Variants in PRKN observed in about 807,000 individuals in gnomAD.
PRKN encodes the protein parkin RBR E3 ubiquitin protein ligase.
A neutral mutation model predicts 59.5 loss-of-function variants in PRKN; 56 were observed. The observed-to-expected ratio is 0.94, with a 90% CI of 0.76 to 1.18. The LOEUF (loss-of-function observed/expected upper bound fraction) is 1.18, where lower values mean the gene tolerates loss of function less well. Ranked by LOEUF, PRKN falls within the 50% of genes most tolerant of loss-of-function variation. The probability of loss-of-function intolerance (pLI) is 0.00; values close to 1 mark genes in which losing one functional copy is unlikely to be tolerated. For synonymous variants in PRKN, 250 were observed against 222.1 expected (o/e 1.13, Z -1.12); for missense variants, 657 against 596.4 (o/e 1.10, Z -1.06).
intron 2 of PRKN, among the ~76,000 whole-genome samples, chr6:162,376,752 G>A (rs1198072279): frequency 4.7e-5 from 6 of 127,472 alleles, no homozygotes; most frequent in African/African-American, 1.5e-4. Flanking sequence ...AGAGGGAGAC[G>A]GAGAGTGAGA....
chr6:161,969,358 T>C (rs1350977156), intron 6 of PRKN, among the ~76,000 whole-genome samples: 1 of 147,862 alleles, frequency 6.8e-6, no homozygotes, highest in Non-Finnish European at 1.5e-5. Context: ...CCCAAGGGGG[T>C]ACCCGGAGAA....
At chr6:162,255,625 G>A (rs76646204) in intron 3 of PRKN, among the ~76,000 whole-genome samples, 2 of 152,258 alleles carry the variant, frequency 1.3e-5, no homozygotes, top group East Asian at 3.9e-4. Flanking sequence ...TAAATTCTCC[G>A]AGTCCTAGAG....
intron 9 of PRKN, among the ~76,000 whole-genome samples, chr6:161,496,053 C>G (rs1777737413): frequency 6.6e-6 from 1 of 152,188 alleles, no homozygotes; most frequent in Non-Finnish European, 1.5e-5. Flanking sequence ...CAGTGCTTAG[C>G]ACATAGAAGT....
At chr6:162,533,527 C>CA (rs917986419) in intron 1 of PRKN, among the ~76,000 whole-genome samples, 2 of 151,638 alleles carry the variant, frequency 1.3e-5, no homozygotes, top group Non-Finnish European at 2.9e-5. Flanking sequence ...GACTCCGTCT[C>CA]AAAAAAAGAC....
At chr6:161,933,896 C>T (rs111946083) in intron 6 of PRKN, among the ~76,000 whole-genome samples, 1,903 of 152,320 alleles carry the variant, frequency 0.012, 45 homozygotes, top group African/African-American at 0.042. Flanking sequence ...AGTCTTTGGA[C>T]CACACTTTGT....
intron 1 of PRKN, among the ~76,000 whole-genome samples, chr6:162,525,978 C>T (rs1778263417): frequency 6.6e-6 from 1 of 152,048 alleles, no homozygotes; most frequent in Admixed American, 6.6e-5. Context: ...CTCTCAGCTT[C>T]AGACTACAGG....
chr6:161,591,472 A>T (rs1781723236), intron 7 of PRKN, among the ~76,000 whole-genome samples: 1 of 152,152 alleles, frequency 6.6e-6, no homozygotes, highest in Non-Finnish European at 1.5e-5. Context: ...CCCCGGCTAG[A>T]GTTTTCTGAA....
At chr6:161,686,092 AAG>A (rs1394940792) in intron 7 of PRKN, among the ~76,000 whole-genome samples, 1 of 142,564 alleles carries the variant, frequency 7.0e-6, no homozygotes, top group Non-Finnish European at 1.5e-5. Context: ...AAAAAAAAAA[AAG>A]AGTGGGTAAA....
At chr6:161,881,192 C>T (rs1171949427) in intron 6 of PRKN, among the ~76,000 whole-genome samples, 1 of 152,150 alleles carries the variant, frequency 6.6e-6, no homozygotes, top group African/African-American at 2.4e-5. Context: ...GTTGGAGGGA[C>T]ACATGTCATC....
intron 2 of PRKN, among the ~76,000 whole-genome samples, chr6:162,380,458 CACATATATATGTGTGTAT>C (rs1786392846): frequency 1.3e-5 from 1 of 79,466 alleles, no homozygotes; most frequent in African/African-American, 7.8e-5. Flanking sequence ...TATATATACA[CACATATATATGTGTGTAT>C]ATATATGTAT....
intron 1 of PRKN, among the ~76,000 whole-genome samples, chr6:162,557,375 C>G (rs1189448360): frequency 2.0e-5 from 3 of 152,244 alleles, no homozygotes; most frequent in Non-Finnish European, 4.4e-5. Context: ...ACCATTCCCC[C>G]CAGGGCACTT....
chr6:162,331,166 T>TAAAAA (rs34916695), intron 2 of PRKN, among the ~76,000 whole-genome samples: 2 of 141,478 alleles, frequency 1.4e-5, no homozygotes, highest in Admixed American at 7.1e-5. Flanking sequence ...CCATCTCTAT[T>TAAAAA]AAAAAAAAAA....
intron 7 of PRKN, among the ~76,000 whole-genome samples, chr6:161,754,480 T>C (rs1480796597): frequency 1.3e-5 from 2 of 151,410 alleles, no homozygotes; most frequent in Non-Finnish European, 2.9e-5. Context: ...GGCCATGAGG[T>C]GGGTGCTTGT....
At chr6:161,946,414 A>ACACACACACACTCTCTCTCTCT (rs1247187053) in intron 6 of PRKN, among the ~76,000 whole-genome samples, 1 of 114,376 alleles carries the variant, frequency 8.7e-6, no homozygotes, top group Non-Finnish European at 1.7e-5. Flanking sequence ...ACACACACAC[A>ACACACACACACTCTCTCTCTCT]CTCTCTCTCT....
chr6:161,458,492 C>A lies in PRKN; in HGVS notation c.1084-71615G>T, dbSNP rs1381696353. On this transcript the variant is annotated intron_variant, in intron 9 of 11. Coordinates refer to ENST00000366898, the MANE Select transcript of PRKN (RefSeq NM_004562.3). This position sits in a 1 kb window ranked among gnomAD's most constrained non-coding sequence, Gnocchi z 6.1. ...GCCTGTCTCCTAAAATGTCTGCATG[C>A]TGTTTACTGCAGAGCCAGTGTTTGA... is the stretch of plus-strand genomic sequence containing the variant. Among the ~76,000 whole-genome samples the A allele has an allele frequency of 6.6e-6, 1 of 152,168 alleles. No homozygotes were observed.
At chr6:162,055,413 T>C (rs917600469) in intron 4 of PRKN, among the ~76,000 whole-genome samples, 2 of 152,112 alleles carry the variant, frequency 1.3e-5, no homozygotes, top group African/African-American at 2.4e-5. Flanking sequence ...CTTGGGGAGA[T>C]GCAAGTTGGA....
chr6:162,193,730 C>T (rs1784383993), intron 4 of PRKN, among the ~76,000 whole-genome samples: 1 of 152,150 alleles, frequency 6.6e-6, no homozygotes, highest in Admixed American at 6.5e-5. Flanking sequence ...GGCCAACTTA[C>T]CTAATCGTTT....
chr6:162,268,221 T>C (rs1424233653), intron 2 of PRKN, among the ~76,000 whole-genome samples: 1 of 152,202 alleles, frequency 6.6e-6, no homozygotes, highest in Non-Finnish European at 1.5e-5. Flanking sequence ...AATTTATTTG[T>C]TTCAACTTAA....
chr6:162,000,509 T>G (rs1782011772), intron 5 of PRKN, among the ~76,000 whole-genome samples: 1 of 152,236 alleles, frequency 6.6e-6, no homozygotes, highest in East Asian at 1.9e-4. Context: ...TGTCTGTTTT[T>G]GTATTGTTGA....
Sources: gnomAD v4.1 joint callset for allele counts (sites outside exome capture counted in the v4.1 genomes callset) on GRCh38, gnomAD v4.1.1 for gene constraint, Gnocchi (gnomAD v3.1) non-coding constraint, MANE v1.5 for transcripts, NCBI Gene and HGNC (gene_info 2026-07-23, HGNC 2026-07-21) for gene names.